The following NRXN3 variants were observed in gnomAD, a reference collection of about 807,000 sequenced individuals.
NRXN3 encodes the protein neurexin 3.
A neutral mutation model predicts 137.6 loss-of-function variants in NRXN3; 32 were observed. The observed-to-expected ratio is 0.23, with a 90% CI of 0.18 to 0.31. The LOEUF (loss-of-function observed/expected upper bound fraction) is 0.31, where lower values mean the gene tolerates loss of function less well. Among genes scored for constraint, NRXN3 ranks in the 10% least tolerant of loss-of-function variants. The pLI is 1.00. For missense variants in NRXN3, 1,574 were observed against 2,062.5 expected, an observed-to-expected ratio of 0.76 and a Z score of 4.59; for synonymous variants, 798 against 784.5, an observed-to-expected ratio of 1.02 and a Z score of -0.29.
intron 4 of NRXN3, among the ~76,000 whole-genome samples, chr14:78,633,148 G>T (rs949773949): frequency 2.7e-5 from 4 of 150,640 alleles, no homozygotes; most frequent in Admixed American, 6.6e-5. Flanking sequence ...CTAGCTACTC[G>T]GGAGGCTGAG....
chr14:79,069,565 A>T (rs1183225645), intron 15 of NRXN3, among the ~76,000 whole-genome samples: 1 of 142 alleles, frequency 7.0e-3, no homozygotes, highest in Non-Finnish European at 0.022. Context: ...AAATTTTATA[A>T]AAAAAAAAAA....
intron 4 of NRXN3, among the ~76,000 whole-genome samples, chr14:78,482,228 G>C (rs1167408850): frequency 1.3e-5 from 2 of 152,178 alleles, no homozygotes; most frequent in Non-Finnish European, 2.9e-5. Flanking sequence ...CCATGTTACA[G>C]ATCAGGAAAC....
intron 18 of NRXN3, among the ~76,000 whole-genome samples, chr14:79,694,139 G>A (rs2098726300): frequency 6.6e-6 from 1 of 151,938 alleles, no homozygotes; most frequent in Non-Finnish European, 1.5e-5. Context: ...GGAGAGCTGG[G>A]TCATAGCATT....
chr14:78,467,809 G>T (rs1319048525), intron 4 of NRXN3, among the ~76,000 whole-genome samples: 1 of 152,032 alleles, frequency 6.6e-6, no homozygotes, highest in Non-Finnish European at 1.5e-5. Flanking sequence ...AGATCACACA[G>T]ACATACCCAC....
chr14:79,448,924 G>C (rs1361255850), intron 15 of NRXN3, among the ~76,000 whole-genome samples: 2 of 152,196 alleles, frequency 1.3e-5, no homozygotes, highest in Non-Finnish European at 1.5e-5. Flanking sequence ...CAGCAGGACT[G>C]CTCACTGCAC....
chr14:78,323,549 T>C lies in NRXN3; in HGVS notation c.757+25689T>C, dbSNP rs139992671. Among the ~76,000 whole-genome samples the C allele has an allele frequency of 1.4e-3, 218 of 152,136 alleles. 4 individuals are homozygous for C. The highest frequency in any genetic ancestry group is 5.1e-3 in the African/African-American group (212 of 41,402). Reference sequence around the variant, plus strand: ...TGAATGGAAGGGAGTGGTGTTACTATAAACAGCATCATCATTTATCAGCTA... The same window carrying C: ...TGAATGGAAGGGAGTGGTGTTACTACAAACAGCATCATCATTTATCAGCTA... On this transcript the variant is annotated intron_variant, in intron 4 of 20. Transcript: ENST00000335750.
At chr14:79,302,816 T>C (rs548721491) in intron 15 of NRXN3, among the ~76,000 whole-genome samples, 3 of 152,092 alleles carry the variant, frequency 2.0e-5, no homozygotes, top group African/African-American at 7.2e-5. Context: ...CCAAGACATA[T>C]GGAACTGTGA....
intron 4 of NRXN3, among the ~76,000 whole-genome samples, chr14:78,529,006 G>A (rs1048769367): frequency 6.6e-6 from 1 of 152,064 alleles, no homozygotes; most frequent in Non-Finnish European, 1.5e-5. Context: ...AAGAAACTGG[G>A]GCCTAAGATC....
chr14:78,351,123 A>G (rs1481985494), intron 4 of NRXN3, among the ~76,000 whole-genome samples: 1 of 152,216 alleles, frequency 6.6e-6, no homozygotes, highest in African/African-American at 2.4e-5. Context: ...AACATTATAT[A>G]GTACTCACAG....
intron 4 of NRXN3, among the ~76,000 whole-genome samples, chr14:78,363,795 C>G (rs1422895567): frequency 6.6e-6 from 1 of 152,188 alleles, no homozygotes; most frequent in Non-Finnish European, 1.5e-5. Flanking sequence ...TAGGGCTTCT[C>G]TTATCCTGTG....
intron 4 of NRXN3, among the ~76,000 whole-genome samples, chr14:78,522,689 G>C (rs1390091901): frequency 2.6e-5 from 4 of 152,096 alleles, no homozygotes; most frequent in African/African-American, 9.7e-5. Context: ...TGATAAATCA[G>C]AATAGCCTAT....
At chr14:79,731,155 G>A (rs192180226) in intron 19 of NRXN3, among the ~76,000 whole-genome samples, 10 of 152,106 alleles carry the variant, frequency 6.6e-5, no homozygotes, top group East Asian at 3.9e-4. Flanking sequence ...AGGGTAGATC[G>A]AATGAACACA....
At chr14:79,029,607 C>T (rs187509601) in intron 15 of NRXN3, among the ~76,000 whole-genome samples, 3 of 152,158 alleles carry the variant, frequency 2.0e-5, no homozygotes, top group Admixed American at 2.0e-4. Flanking sequence ...CTGGTTAATT[C>T]TTTGAGGGGA....
At chr14:78,696,224 A>G (rs2098224582) in intron 6 of NRXN3, among the ~76,000 whole-genome samples, 2 of 152,048 alleles carry the variant, frequency 1.3e-5, no homozygotes, top group Non-Finnish European at 2.9e-5. Context: ...ATAGTTGCTA[A>G]GCCTATAGGC....
At chr14:78,908,616 T>A (rs1597256721) in intron 10 of NRXN3, among the ~76,000 whole-genome samples, 1 of 152,172 alleles carries the variant, frequency 6.6e-6, no homozygotes, top group Admixed American at 6.6e-5. Flanking sequence ...GGGCATCACT[T>A]AAAAAAATTT....
At chr14:79,391,275 G>C (rs757069130) in intron 15 of NRXN3, among the ~76,000 whole-genome samples, 1 of 152,074 alleles carries the variant, frequency 6.6e-6, no homozygotes, top group East Asian at 1.9e-4. Flanking sequence ...GGATTCAATA[G>C]GATTCATTTT....
At chr14:79,831,617 G>A (rs964355334) in intron 20 of NRXN3, among the ~76,000 whole-genome samples, 26 of 151,802 alleles carry the variant, frequency 1.7e-4, no homozygotes, top group Non-Finnish European at 3.7e-4. Flanking sequence ...ATTTTGGTTC[G>A]GCCCAGCTCC....
chr14:79,482,394 A>C (rs1241581436), intron 16 of NRXN3, among the ~76,000 whole-genome samples: 1 of 152,176 alleles, frequency 6.6e-6, no homozygotes, highest in Admixed American at 6.5e-5. Flanking sequence ...ATCATTAACC[A>C]AAATGTCACT....
intron 4 of NRXN3, among the ~76,000 whole-genome samples, chr14:78,603,570 C>T (rs2097219762): frequency 6.6e-6 from 1 of 152,188 alleles, no homozygotes; most frequent in South Asian, 2.1e-4. Context: ...GCATGTTAAA[C>T]TTAATTATAT....
Sources: gnomAD v4.1 joint callset for allele counts (sites outside exome capture counted in the v4.1 genomes callset) on GRCh38, gnomAD v4.1.1 for gene constraint, MANE v1.5 for transcripts, NCBI Gene and HGNC (gene_info 2026-07-23, HGNC 2026-07-21) for gene names.